PDS5A: variants seen among roughly 807,000 people sequenced by gnomAD.
PDS5A encodes sister chromatid cohesion protein PDS5 homolog A.
Under a neutral mutation model 167.1 loss-of-function variants are expected in PDS5A, and 42 were observed. That is an observed-to-expected ratio of 0.25 (90% confidence interval 0.20 to 0.33). The LOEUF (loss-of-function observed/expected upper bound fraction) is 0.33. PDS5A is among the 10% of genes least tolerant of loss of function. PDS5A has a pLI of 1.00. For missense variants in PDS5A, 1,033 were observed against 1,605.9 expected (o/e 0.64, Z 6.10); for synonymous variants, 553 against 554.6 (o/e 1.00, Z 0.04).
Position 39,824,994 on chromosome 4 carries a change from T to C in PDS5A, c.*491A>G, listed in dbSNP as rs1483382732. ...AGGAAAAACAAAGAAATATTTAATC[T>C]GATCTCTTTTCTTTTAAAAAATTAA... is the stretch of plus-strand genomic sequence containing the variant. On this transcript the variant is annotated 3_prime_UTR_variant, in exon 33 of 33. Coordinates refer to ENST00000303538, the MANE Select transcript of PDS5A (RefSeq NM_001100399.2). 2.0e-5 allele frequency: 3 copies of C among 152,826 alleles called. No homozygotes were observed. The highest frequency in any genetic ancestry group is 4.8e-5 in the African/African-American group (2 of 41,462). 9.5% of individuals were successfully genotyped at this position (152,826 alleles called of 1,614,324 possible).
At chr4:39,895,475 C>G (rs1485317657) in intron 16 of PDS5A, among the ~76,000 whole-genome samples, 1 of 151,966 alleles carries the variant, frequency 6.6e-6, no homozygotes, top group Non-Finnish European at 1.5e-5. Flanking sequence ...AAAAACAGTA[C>G]ACCTACATAT....
chr4:39,895,199 C>CAAAAAAAAAAAAAAAAAAA (rs34303340), intron 16 of PDS5A, among the ~76,000 whole-genome samples: 1 of 93,428 alleles, frequency 1.1e-5, no homozygotes, highest in African/African-American at 3.9e-5. Flanking sequence ...GACTCCGTCT[C>CAAAAAAAAAAAAAAAAAAA]AAAAAAAAAA....
chr4:39,921,401 A>AT (rs1560485343), intron 6 of PDS5A, among the ~76,000 whole-genome samples: 2 of 152,014 alleles, frequency 1.3e-5, no homozygotes, highest in Non-Finnish European at 1.5e-5. Context: ...TTAAGTTAAC[A>AT]TTTCTATTTC....
chr4:39,871,964 T>C (rs1720076058), intron 21 of PDS5A, among the ~76,000 whole-genome samples: 1 of 151,740 alleles, frequency 6.6e-6, no homozygotes, highest in Non-Finnish European at 1.5e-5. Context: ...CCTCGGCCCC[T>C]CAAAGTGCTA....
intron 17 of PDS5A, among the ~76,000 whole-genome samples, chr4:39,887,403 T>C (rs1162638370): frequency 6.6e-6 from 1 of 152,252 alleles, no homozygotes; most frequent in East Asian, 1.9e-4. Context: ...ATTAATATGA[T>C]GAATCATGTT....
intron 32 of PDS5A, among the ~76,000 whole-genome samples, chr4:39,835,547 G>C (rs1057160789): frequency 1.3e-5 from 2 of 152,134 alleles, no homozygotes; most frequent in East Asian, 1.9e-4. Context: ...TTTTGAGACA[G>C]AGTATCGCTC....
chr4:39,950,832 C>A (rs929812755), intron 2 of PDS5A, among the ~76,000 whole-genome samples: 2 of 152,152 alleles, frequency 1.3e-5, no homozygotes, highest in Non-Finnish European at 1.5e-5. Context: ...AGGTAATCCA[C>A]CAGCCTCGGC....
chr4:39,973,015 T>C (rs1049390190), intron 2 of PDS5A: 55 of 528,420 alleles, frequency 1.0e-4, no homozygotes, highest in African/African-American at 9.6e-4. Flanking sequence ...TTTCCTTTCC[T>C]TTTTAAATTT....
At chr4:39,970,867 G>C (rs749081457) in intron 2 of PDS5A, among the ~76,000 whole-genome samples, 12 of 137,690 alleles carry the variant, frequency 8.7e-5, no homozygotes, top group African/African-American at 2.7e-4. Flanking sequence ...GTAGGATCAC[G>C]GTTCACTGCA....
intron 17 of PDS5A, among the ~76,000 whole-genome samples, chr4:39,881,110 T>C (rs538196540): frequency 1.3e-5 from 2 of 152,246 alleles, no homozygotes; most frequent in South Asian, 4.1e-4. Flanking sequence ...CCAATGCCAT[T>C]CATATTGCTG....
At chr4:39,928,641 A>G (rs1027592065) in intron 2 of PDS5A, among the ~76,000 whole-genome samples, 3 of 152,070 alleles carry the variant, frequency 2.0e-5, no homozygotes, top group African/African-American at 7.2e-5. Context: ...GCTGGACAAC[A>G]TGGCAAGACC....
intron 2 of PDS5A, among the ~76,000 whole-genome samples, chr4:39,943,609 C>T (rs1727435512): frequency 8.3e-6 from 1 of 121,040 alleles, no homozygotes; most frequent in African/African-American, 3.1e-5. Context: ...CATGGTGAAA[C>T]CCCGTTTCTA....
chr4:39,852,296 A>G (rs2109522665), intron 26 of PDS5A, among the ~76,000 whole-genome samples: 1 of 152,260 alleles, frequency 6.6e-6, no homozygotes, highest in Middle Eastern at 3.4e-3. Context: ...TGAAATTAGA[A>G]TATGTTGAAA....
At chr4:39,949,139 CAA>C (rs77603241) in intron 2 of PDS5A, among the ~76,000 whole-genome samples, 3 of 140,670 alleles carry the variant, frequency 2.1e-5, no homozygotes, top group Admixed American at 7.2e-5. Context: ...CAAAAAACAC[CAA>C]AAAAAAAAAA....
intron 32 of PDS5A, among the ~76,000 whole-genome samples, chr4:39,833,467 T>C (rs1399778117): frequency 1.3e-5 from 2 of 152,136 alleles, no homozygotes; most frequent in Non-Finnish European, 2.9e-5. Flanking sequence ...TGACTCACTG[T>C]AGCCTCGACC....
chr4:39,898,234 A>T, intron 16 of PDS5A, 155 bp downstream of exon 16: 1 of 1,303,498 alleles, frequency 7.7e-7, no homozygotes, highest in Non-Finnish European at 9.8e-7. Flanking sequence ...AATGGTAAAT[A>T]GAGAATTAAC....
At chr4:39,902,323 G>T in intron 13 of PDS5A, 24 bp downstream of exon 13, 2 of 1,002,646 alleles carry the variant, frequency 2.0e-6, no homozygotes, top group Non-Finnish European at 3.1e-6. Flanking sequence ...AGAAAATACA[G>T]CAGTTATTTG....
At chr4:39,893,829 G>A (rs908632524) in intron 16 of PDS5A, among the ~76,000 whole-genome samples, 1 of 152,126 alleles carries the variant, frequency 6.6e-6, no homozygotes, top group Non-Finnish European at 1.5e-5. Flanking sequence ...AGGAAAGAAG[G>A]TATAATGAAC....
chr4:39,950,156 C>T (rs1728211037), intron 2 of PDS5A, among the ~76,000 whole-genome samples: 1 of 152,168 alleles, frequency 6.6e-6, no homozygotes, highest in Non-Finnish European at 1.5e-5. Flanking sequence ...CCACCTCGGC[C>T]TCCCAAAGTG....
Sources: gnomAD v4.1 joint callset for allele counts (sites outside exome capture counted in the v4.1 genomes callset) on GRCh38, gnomAD v4.1.1 for gene constraint, MANE v1.5 for transcripts, NCBI Gene and HGNC (gene_info 2026-07-23, HGNC 2026-07-21) for gene names.